The following RBFOX1 variants were observed in gnomAD, a reference collection of about 807,000 sequenced individuals.
RBFOX1 encodes RNA binding fox-1 homolog 1.
Under a neutral mutation model 57.7 loss-of-function variants are expected in RBFOX1, and 8 were observed. The observed-to-expected ratio is 0.14, with a 90% CI of 0.08 to 0.25. The LOEUF (loss-of-function observed/expected upper bound fraction) is 0.25, where lower values mean the gene tolerates loss of function less well. Ranked by LOEUF, RBFOX1 falls within the 10% of genes least tolerant of loss-of-function variation. The pLI is 1.00. For missense variants in RBFOX1, 611 were observed against 548.5 expected (o/e 1.11, Z -1.14); for synonymous variants, 326 against 222.4 (o/e 1.47, Z -4.15).
Position 7,671,269 on chromosome 16 carries a change from G to A in RBFOX1, c.931-5505G>A, listed in dbSNP as rs970473887. 2.6e-5 allele frequency among the ~76,000 whole-genome samples: 4 copies of A among 152,204 alleles called. No individual in the cohort carries two copies. In the East Asian group the frequency reaches 5.8e-4, roughly 22 times the overall value. On this transcript the variant is annotated intron_variant, in intron 13 of 15. Coordinates refer to ENST00000550418, the MANE Select transcript of RBFOX1 (RefSeq NM_018723.4). ...TGTTGGAATATGCTTTAAGAGGCAA[G>A]AAGCCATGAAATTATCTTTTTCTTC... is the stretch of plus-strand genomic sequence containing the variant.
At chr16:6,977,759 G>A (rs1484291061) in intron 3 of RBFOX1, among the ~76,000 whole-genome samples, 1 of 152,010 alleles carries the variant, frequency 6.6e-6, no homozygotes, top group Non-Finnish European at 1.5e-5. Context: ...TTTCTCTGAA[G>A]AAAAGAAAGA....
At chr16:6,065,325 G>A (rs892971625) in intron 1 of RBFOX1, among the ~76,000 whole-genome samples, 40 of 151,434 alleles carry the variant, frequency 2.6e-4, no homozygotes, top group African/African-American at 8.5e-4. Context: ...GTGAACCACC[G>A]CACGCGGCCC....
chr16:7,638,476 G>A (rs556922894), intron 11 of RBFOX1, among the ~76,000 whole-genome samples: 2 of 152,248 alleles, frequency 1.3e-5, no homozygotes, highest in South Asian at 2.1e-4. Flanking sequence ...AGCAGGGAGT[G>A]GTCACGGGGA....
intron 4 of RBFOX1, among the ~76,000 whole-genome samples, chr16:7,367,804 C>T (rs999451221): frequency 4.6e-5 from 7 of 151,690 alleles, no homozygotes; most frequent in Non-Finnish European, 8.8e-5. Context: ...GGTAAAAATC[C>T]AGATTTTTGT....
chr16:5,411,464 C>T (rs1052702163), intron 1 of RBFOX1, among the ~76,000 whole-genome samples: 1 of 152,168 alleles, frequency 6.6e-6, no homozygotes, highest in Non-Finnish European at 1.5e-5. Context: ...CTAGAGCATC[C>T]AGGAGGAACA....
rs545234027 is a variant in RBFOX1, at chr16:6,483,738, C to T, written c.-64+166681C>T. On this transcript the variant is annotated intron_variant, in intron 2 of 15. Coordinates refer to ENST00000550418, the MANE Select transcript of RBFOX1 (RefSeq NM_018723.4). The stretch of plus-strand genomic sequence containing the variant: ...GTGTGCAAATTGACATTTTTGGCTG[C>T]CTGTGGCAGAGGAGCAGCCGTCAGC... 30 of 1,429,436 alleles carry T rather than the reference C, an allele frequency of 2.1e-5. No individual in the cohort carries two copies. The South Asian group carries it at 4.2e-4, about 20-fold the overall frequency. 88.5% of individuals were successfully genotyped at this position (1,429,436 alleles called of 1,614,324 possible). A position where few individuals can be genotyped will look rare whatever the true frequency, so the allele number is the denominator to read the frequency against.
chr16:7,627,666 C>G (rs560150996), intron 10 of RBFOX1, among the ~76,000 whole-genome samples: 2 of 152,282 alleles, frequency 1.3e-5, no homozygotes, highest in South Asian at 4.1e-4. Flanking sequence ...ACCTATTTGA[C>G]TTACTTTTTA....
intron 4 of RBFOX1, among the ~76,000 whole-genome samples, chr16:7,500,781 T>C (rs949786330): frequency 6.6e-6 from 1 of 152,312 alleles, no homozygotes; most frequent in Middle Eastern, 3.4e-3. Flanking sequence ...TCCCATGATA[T>C]GGTTTGTCAG....
intron 3 of RBFOX1, among the ~76,000 whole-genome samples, chr16:7,026,847 G>A (rs192847414): frequency 4.6e-5 from 7 of 152,298 alleles, no homozygotes; most frequent in East Asian, 1.9e-4. Context: ...CATTCCAGTC[G>A]GCTTGCTGTA....
chr16:6,976,178 A>G (rs979410283), intron 3 of RBFOX1, among the ~76,000 whole-genome samples: 6 of 152,150 alleles, frequency 3.9e-5, no homozygotes, highest in Middle Eastern at 6.3e-3. Context: ...GTGCTTTGCT[A>G]TGATTTCTAC....
intron 3 of RBFOX1, among the ~76,000 whole-genome samples, chr16:7,029,454 G>T (rs1239852446): frequency 1.3e-5 from 2 of 151,756 alleles, no homozygotes; most frequent in East Asian, 3.9e-4. Context: ...ATCATCTTCA[G>T]TCAGGATGGA....
At chr16:7,312,206 C>T (rs368305003) in intron 4 of RBFOX1, among the ~76,000 whole-genome samples, 3 of 152,154 alleles carry the variant, frequency 2.0e-5, no homozygotes, top group African/African-American at 4.8e-5. Flanking sequence ...ATGGTGAAAC[C>T]CTGTCTCTAC....
In RBFOX1 at chr16:6,086,421, CAG is replaced by C. The variant is rs1296286478; in HGVS notation, c.-127+66432_-127+66433del. On this transcript the variant is annotated intron_variant, in intron 1 of 15. Transcript: ENST00000550418. Reference sequence around the variant, plus strand: ...TTTAATCCACTCTGAGTCAGTTCTGCAGAGCAGTCGGTGGTAAAGTCCTTTCA... The same window carrying C: ...TTTAATCCACTCTGAGTCAGTTCTGCAGCAGTCGGTGGTAAAGTCCTTTCA... Among the ~76,000 whole-genome samples, 17 of 152,324 alleles carry C rather than the reference CAG, an allele frequency of 1.1e-4. 1 individual carries two copies. Among genetic ancestry groups the C allele is most frequent in the Admixed American group, 9.8e-4 (15 of 15,300 alleles).
chr16:6,025,435 C>G (rs933172856), intron 1 of RBFOX1, among the ~76,000 whole-genome samples: 23 of 152,212 alleles, frequency 1.5e-4, no homozygotes, highest in African/African-American at 4.8e-4. Context: ...GAGGATACAT[C>G]TGTATACATT....
chr16:7,226,720 C>G (rs928954105), intron 4 of RBFOX1, among the ~76,000 whole-genome samples: 1 of 152,200 alleles, frequency 6.6e-6, no homozygotes, highest in South Asian at 2.1e-4. Flanking sequence ...AGAGATACGT[C>G]TAAAGTCACA....
At chr16:5,501,035 G>A (rs1383865248) in intron 2 of RBFOX1, among the ~76,000 whole-genome samples, 1 of 152,082 alleles carries the variant, frequency 6.6e-6, no homozygotes, top group Non-Finnish European at 1.5e-5. Context: ...AGAAAACACG[G>A]CCAGGCGCGG....
intron 1 of RBFOX1, among the ~76,000 whole-genome samples, chr16:5,451,875 C>T (rs1377080105): frequency 6.6e-6 from 1 of 152,110 alleles, no homozygotes; most frequent in Non-Finnish European, 1.5e-5. Context: ...CCCAGCTGCC[C>T]ACGATGTGTT....
At chr16:5,723,484 G>C (rs2052014561) in intron 3 of RBFOX1, among the ~76,000 whole-genome samples, 1 of 146,808 alleles carries the variant, frequency 6.8e-6, no homozygotes, top group African/African-American at 2.6e-5. Flanking sequence ...GGCAACTGTG[G>C]ATTAAACAGT....
At chr16:5,377,752 C>T (rs2066024063) in intron 1 of RBFOX1, among the ~76,000 whole-genome samples, 1 of 151,454 alleles carries the variant, frequency 6.6e-6, no homozygotes, top group Non-Finnish European at 1.5e-5. Context: ...TGTCTCCACA[C>T]TTGTCAACAA....
Sources: gnomAD v4.1 joint callset for allele counts (sites outside exome capture counted in the v4.1 genomes callset) on GRCh38, gnomAD v4.1.1 for gene constraint, MANE v1.5 for transcripts, NCBI Gene and HGNC (gene_info 2026-07-23, HGNC 2026-07-21) for gene names.